Variants in CCDC171 observed in about 807,000 individuals in gnomAD.
CCDC171 encodes the protein coiled-coil domain-containing protein 171.
In CCDC171, 177 loss-of-function variants were observed where a neutral mutation model predicts 168.2. The ratio of observed to expected loss-of-function variants is 1.05; its 90% CI spans 0.93 to 1.19. The LOEUF (loss-of-function observed/expected upper bound fraction) is 1.19, where lower values mean the gene tolerates loss of function less well. Among genes scored for constraint, CCDC171 ranks in the 50% most tolerant of loss-of-function variants. The pLI, the probability that CCDC171 is intolerant of heterozygous loss-of-function variation, is 0.00. For synonymous variants in CCDC171, 687 were observed against 540.8 expected, an observed-to-expected ratio of 1.27 and a Z score of -3.75; for missense variants, 1,991 against 1,539.0, an observed-to-expected ratio of 1.29 and a Z score of -4.91.
At chr9:16,007,189 T>G (rs1832728682) in intron 3 of CCDC171, among the ~76,000 whole-genome samples, 1 of 152,258 alleles carries the variant, frequency 6.6e-6, no homozygotes, top group African/African-American at 2.4e-5. Context: ...CCAGTGATGG[T>G]GAGCATTTTT....
intron 4 of CCDC171, among the ~76,000 whole-genome samples, chr9:15,581,771 A>G (rs1419112250): frequency 6.6e-6 from 1 of 152,126 alleles, no homozygotes; most frequent in Admixed American, 6.5e-5. Flanking sequence ...ACCTTACACA[A>G]AAATTAACTC....
chr9:15,637,134 T>C (rs141555509), intron 7 of CCDC171, among the ~76,000 whole-genome samples: 1 of 152,200 alleles, frequency 6.6e-6, no homozygotes, highest in Non-Finnish European at 1.5e-5. Flanking sequence ...CGCTCGCCTG[T>C]AATCCTAGCT....
intron 24 of CCDC171, among the ~76,000 whole-genome samples, chr9:15,901,257 T>C (rs1303025242): frequency 6.6e-6 from 1 of 152,298 alleles, no homozygotes; most frequent in East Asian, 1.9e-4. Context: ...TGTGTGATAC[T>C]AATAATAGTG....
intron 18 of CCDC171, among the ~76,000 whole-genome samples, chr9:15,758,101 T>G (rs2056237448): frequency 6.6e-6 from 1 of 152,116 alleles, no homozygotes; most frequent in Admixed American, 6.5e-5. Flanking sequence ...AGGGCCACCA[T>G]CCTCCAGACC....
chr9:15,766,207 G>A (rs1197816590), intron 18 of CCDC171, among the ~76,000 whole-genome samples: 1 of 152,090 alleles, frequency 6.6e-6, no homozygotes, highest in East Asian at 1.9e-4. Context: ...GAACTGTAGT[G>A]CATATGAAGC....
At position 15,713,376 on chromosome 9, in the gene CCDC171, G is replaced by A. The variant is rs2052827379; in HGVS notation, c.1319-8393G>A. Among the ~76,000 whole-genome samples the A allele has an allele frequency of 2.0e-5, 3 of 151,884 alleles. No individual in the cohort carries two copies. In the South Asian group the frequency reaches 6.2e-4, roughly 32 times the overall value. ...GAACTCTCCATGCATCCAAGGTGTG[G>A]GTTAAGAGAGAGAAAGCAATGTAAC... On this transcript the variant is annotated intron_variant, in intron 11 of 25. Transcript: ENST00000380701.
At chr9:15,792,435 AAGGC>A (rs2058317426) in intron 21 of CCDC171, among the ~76,000 whole-genome samples, 1 of 152,296 alleles carries the variant, frequency 6.6e-6, no homozygotes, top group South Asian at 2.1e-4. Flanking sequence ...CCAACCTAGC[AAGGC>A]AGGCCAACAT....
At chr9:15,628,998 C>T (rs891345244) in intron 7 of CCDC171, among the ~76,000 whole-genome samples, 1 of 152,182 alleles carries the variant, frequency 6.6e-6, no homozygotes, top group African/African-American at 2.4e-5. Flanking sequence ...AACTAACAAA[C>T]AGAAAGGACA....
intron 3 of CCDC171, among the ~76,000 whole-genome samples, chr9:15,986,192 C>A (rs1589298010): frequency 6.6e-6 from 1 of 152,302 alleles, no homozygotes; most frequent in South Asian, 2.1e-4. Flanking sequence ...ACATATTGAT[C>A]TGCTGATAGG....
chr9:15,784,373 G>C, intron 20 of CCDC171, 136 bp from the exon 21 acceptor site: 1 of 493,050 alleles, frequency 2.0e-6, no homozygotes, highest in East Asian at 3.3e-5. Context: ...ATGCAATTAA[G>C]AAAAGCTAAT....
intron 3 of CCDC171, among the ~76,000 whole-genome samples, chr9:16,005,557 A>G (rs971928413): frequency 6.6e-6 from 1 of 152,198 alleles, no homozygotes; most frequent in African/African-American, 2.4e-5. Flanking sequence ...GCAACCATGG[A>G]TCACAGATTG....
At chr9:16,016,704 A>T (rs1364969486) in intron 3 of CCDC171, among the ~76,000 whole-genome samples, 1 of 152,202 alleles carries the variant, frequency 6.6e-6, no homozygotes, top group African/African-American at 2.4e-5. Flanking sequence ...ACAGGTTGCC[A>T]CTTGGGTCTG....
chr9:15,716,056 C>G (rs1194877270), intron 11 of CCDC171, among the ~76,000 whole-genome samples: 1 of 152,072 alleles, frequency 6.6e-6, no homozygotes, highest in African/African-American at 2.4e-5. Context: ...ACCCAGTGAC[C>G]CAGTCAGGTT....
intron 23 of CCDC171, among the ~76,000 whole-genome samples, chr9:15,849,959 T>A (rs998439859): frequency 6.6e-6 from 1 of 151,718 alleles, no homozygotes; most frequent in Non-Finnish European, 1.5e-5. Flanking sequence ...GAAAAAAAAA[T>A]AATCTGAGTG....
chr9:15,603,537 G>A (rs1200597469), intron 6 of CCDC171, among the ~76,000 whole-genome samples: 1 of 152,118 alleles, frequency 6.6e-6, no homozygotes, highest in Non-Finnish European at 1.5e-5. Flanking sequence ...AGTTTGCTGA[G>A]GATAATGGCT....
At chr9:16,063,754 C>G (rs182913945), downstream of CCDC171, among the ~76,000 whole-genome samples, 1 of 152,294 alleles carries the variant, frequency 6.6e-6, no homozygotes, top group Admixed American at 6.5e-5. Flanking sequence ...CCCATTATAA[C>G]ATTTGTTCCA....
At chr9:15,849,521 G>A (rs909709279) in intron 23 of CCDC171, among the ~76,000 whole-genome samples, 17 of 151,424 alleles carry the variant, frequency 1.1e-4, no homozygotes, top group Admixed American at 9.9e-4. Flanking sequence ...GTGATGAACA[G>A]CATAATAAAA....
chr9:15,635,481 G>A (rs1564103650), intron 7 of CCDC171, among the ~76,000 whole-genome samples: 1 of 152,126 alleles, frequency 6.6e-6, no homozygotes, highest in Non-Finnish European at 1.5e-5. Context: ...GAAAGATGAA[G>A]GCTGGAACAC....
intron 11 of CCDC171, among the ~76,000 whole-genome samples, chr9:15,709,023 A>G (rs968432875): frequency 1.6e-4 from 25 of 152,186 alleles, no homozygotes; most frequent in Admixed American, 1.6e-3. Flanking sequence ...AAGCACCACA[A>G]AACGAGGGGA....
Sources: gnomAD v4.1 joint callset for allele counts (sites outside exome capture counted in the v4.1 genomes callset) on GRCh38, gnomAD v4.1.1 for gene constraint, MANE v1.5 for transcripts, NCBI Gene and HGNC (gene_info 2026-07-23, HGNC 2026-07-21) for gene names.